LRRCC1: variants seen among roughly 807,000 people sequenced by gnomAD.
LRRCC1 encodes the protein leucine rich repeat and coiled-coil centrosomal protein 1, also known as leucine-rich repeat and coiled-coil domain-containing protein 1.
LRRCC1 carries 115 observed loss-of-function variants against 126.0 expected under a neutral mutation model. The observed-to-expected ratio is 0.91, with a 90% confidence interval of 0.78 to 1.07. The LOEUF (loss-of-function observed/expected upper bound fraction) is 1.07. LRRCC1 is among the 50% of genes least tolerant of loss of function. LRRCC1 has a pLI of 0.00. For missense variants in LRRCC1, 1,172 were observed against 1,175.7 expected (o/e 1.00, Z 0.05); for synonymous variants, 400 against 393.4 (o/e 1.02, Z -0.20).
In LRRCC1 at chr8:85,130,018, C is replaced by G; in HGVS notation, c.1726C>G (p.Gln576Glu). The G allele has an allele frequency of 6.3e-7, 1 of 1,596,612 alleles. No individual in the cohort carries two copies. Among genetic ancestry groups the G allele is most frequent in the Non-Finnish European group, 8.5e-7 (1 of 1,173,502 alleles). The change falls in exon 11 of 19, where the codon CAA becomes GAA. Residue 576 changes from glutamine to glutamate, a missense_variant. Physicochemically the swap from Gln to Glu is conservative, Grantham distance 29. Transcript: ENST00000360375. Reference protein sequence around the residue: ...SLHREREQAQQLHQLLALKEQ... With the variant: ...SLHREREQAQELHQLLALKEQ... ...TCATCGAGAAAGAGAACAAGCGCAA[C>G]AACTTCATCAACTTCTTGCATTGAA...
intron 18 of LRRCC1, among the ~76,000 whole-genome samples, chr8:85,143,578 A>G (rs1811418206): frequency 6.6e-6 from 1 of 151,894 alleles, no homozygotes; most frequent in Non-Finnish European, 1.5e-5. Context: ...GTTCGGGACT[A>G]TGGTGAGCTG....
intron 18 of LRRCC1, among the ~76,000 whole-genome samples, chr8:85,143,221 T>C (rs1811381977): frequency 1.3e-5 from 2 of 151,714 alleles, no homozygotes; most frequent in Non-Finnish European, 2.9e-5. Flanking sequence ...CTTGGGAGGC[T>C]AAGGCAGGAG....
intron 9 of LRRCC1, among the ~76,000 whole-genome samples, chr8:85,127,525 A>G (rs1002309754): frequency 6.6e-6 from 1 of 152,156 alleles, no homozygotes; most frequent in Non-Finnish European, 1.5e-5. Context: ...TTGCTAACAC[A>G]CTTTGGGAAG....
At chr8:85,140,693 T>C (rs1811191469) in intron 17 of LRRCC1, among the ~76,000 whole-genome samples, 2 of 152,226 alleles carry the variant, frequency 1.3e-5, no homozygotes, top group Admixed American at 1.3e-4. Flanking sequence ...ATCTGTAGTA[T>C]GCACTTCTCA....
intron 6 of LRRCC1, among the ~76,000 whole-genome samples, chr8:85,122,463 T>C (rs1056986055): frequency 1.2e-4 from 18 of 152,222 alleles, no homozygotes; most frequent in Non-Finnish European, 1.6e-4. Flanking sequence ...ATAACTTCCA[T>C]TGAACTAGGT....
Position 85,126,785 on chromosome 8 carries a change from C to T in LRRCC1, c.1369C>T (p.His457Tyr). ...LMDYIDELHK[H>Y]ANEKEDIHSL... Reference sequence around the variant, plus strand: ...GGATTATATTGATGAGCTGCATAAACATGCAAATGAAAAAGAGGATATTCA... The same window carrying T: ...GGATTATATTGATGAGCTGCATAAATATGCAAATGAAAAAGAGGATATTCA... Residue 457 changes from histidine (H) to tyrosine (Y), a missense_variant, in exon 9 of 19, where the codon CAT (histidine) becomes TAT (tyrosine). Coordinates refer to ENST00000360375, the MANE Select transcript of LRRCC1 (RefSeq NM_033402.5). 1 of 1,611,908 alleles carries T rather than the reference C, an allele frequency of 6.2e-7. No homozygotes were observed. The highest frequency in any genetic ancestry group is 8.5e-7 in the Non-Finnish European group (1 of 1,179,146).
Position 85,109,742 on chromosome 8 carries a change from C to G in LRRCC1, c.252C>G (p.Asn84Lys), listed in dbSNP as rs993305590. Residue 84 changes from asparagine to lysine, a missense_variant, in exon 2 of 19, where the codon AAC becomes AAG. Physicochemically the swap from Asn to Lys is moderately conservative, Grantham distance 94. Transcript: ENST00000360375. ...AAATAAGTAGAATTGAAGGACTAAACACACTGACAAAACTGTGCACATTAA... is the reference window on the plus strand; with the variant it reads ...AAATAAGTAGAATTGAAGGACTAAAGACACTGACAAAACTGTGCACATTAA... Reference protein sequence around the residue: ...SNQISRIEGLNTLTKLCTLNL... With the variant: ...SNQISRIEGLKTLTKLCTLNL... 4.4e-5 allele frequency: 71 copies of G among 1,602,372 alleles called. No homozygotes were observed. The highest frequency in any genetic ancestry group is 6.1e-5 in the Non-Finnish European group (71 of 1,170,952).
intron 7 of LRRCC1, among the ~76,000 whole-genome samples, 172 bp from the exon 8 acceptor site, chr8:85,124,620 C>A (rs1478659907): frequency 6.6e-6 from 1 of 152,106 alleles, no homozygotes; most frequent in African/African-American, 2.4e-5. Flanking sequence ...ACTCATTAAT[C>A]AACAGAGCAC....
intron 6 of LRRCC1, among the ~76,000 whole-genome samples, chr8:85,119,424 T>C (rs1228188386): frequency 6.6e-6 from 1 of 152,030 alleles, no homozygotes; most frequent in African/African-American, 2.4e-5. Context: ...ATATTTGTTT[T>C]CTGTGTTCTT....
chr8:85,114,029 G>T (rs1808922453), intron 4 of LRRCC1, among the ~76,000 whole-genome samples: 1 of 151,952 alleles, frequency 6.6e-6, no homozygotes, highest in Non-Finnish European at 1.5e-5. Context: ...AACCTGTGTT[G>T]GTAATTTTAT....
intron 10 of LRRCC1, 33 bp downstream of exon 10, chr8:85,129,412 G>C: frequency 6.6e-7 from 1 of 1,510,092 alleles, no homozygotes; most frequent in Non-Finnish European, 9.0e-7. Context: ...GAGTAGCACA[G>C]ATTAACACAA....
intron 18 of LRRCC1, among the ~76,000 whole-genome samples, chr8:85,143,474 C>T (rs1166631877): frequency 3.3e-5 from 5 of 151,908 alleles, no homozygotes; most frequent in Non-Finnish European, 7.4e-5. Context: ...CTTGTCGCTA[C>T]AAAAAAATGT....
chr8:85,135,664 T>A, intron 13 of LRRCC1, 125 bp from the exon 14 acceptor site: 1 of 558,804 alleles, frequency 1.8e-6, no homozygotes, highest in Non-Finnish European at 2.7e-6. Context: ...AAACTTCTGA[T>A]GTAAAATTTG....
chr8:85,126,919 G>A (rs1810056150), intron 9 of LRRCC1, 82 bp downstream of exon 9: 1 of 1,209,488 alleles, frequency 8.3e-7, no homozygotes, highest in African/African-American at 1.5e-5. Flanking sequence ...TAGTTTCAGT[G>A]TGGTTCAATC....
intron 18 of LRRCC1, among the ~76,000 whole-genome samples, chr8:85,144,626 G>A (rs1811536704): frequency 2.0e-5 from 3 of 147,368 alleles, no homozygotes; most frequent in Admixed American, 6.8e-5. Context: ...CACCACACCT[G>A]GCTAATTTTG....
At chr8:85,130,301 AT>A (rs552764147) in intron 11 of LRRCC1, among the ~76,000 whole-genome samples, 421 of 143,812 alleles carry the variant, frequency 2.9e-3, no homozygotes, top group Middle Eastern at 7.1e-3. Flanking sequence ...ATGCTGGCTA[AT>A]TTTTTTTTTT....
At chr8:85,132,246 C>T (rs1013629535) in intron 12 of LRRCC1, among the ~76,000 whole-genome samples, 1 of 152,164 alleles carries the variant, frequency 6.6e-6, no homozygotes, top group African/African-American at 2.4e-5. Flanking sequence ...AAAACTAAAG[C>T]CCCCAGGCCA....
At chr8:85,144,476 T>TA (rs1563963737) in intron 18 of LRRCC1, among the ~76,000 whole-genome samples, 459 of 28,550 alleles carry the variant, frequency 0.016, 1 homozygote, top group East Asian at 0.062. Flanking sequence ...ATATATATAT[T>TA]TTTTTTTTTT....
intron 6 of LRRCC1, among the ~76,000 whole-genome samples, chr8:85,123,160 T>C (rs1809698258): frequency 1.3e-5 from 2 of 152,194 alleles, no homozygotes; most frequent in Admixed American, 1.3e-4. Context: ...GTTCACTTTA[T>C]AAGGCCTTCA....
Sources: gnomAD v4.1 joint callset for allele counts (sites outside exome capture counted in the v4.1 genomes callset) on GRCh38, gnomAD v4.1.1 for gene constraint, MANE v1.5 for transcripts, NCBI Gene and HGNC (gene_info 2026-07-23, HGNC 2026-07-21) for gene names.